The following PPME1 variants were observed in gnomAD, a reference collection of about 807,000 sequenced individuals.
The protein encoded by PPME1 is testicular secretory protein Li 39.
PPME1 carries 17 observed loss-of-function variants against 56.9 expected under a neutral mutation model. The ratio of observed to expected loss-of-function variants is 0.30; its 90% CI spans 0.20 to 0.45. The LOEUF is 0.45. Ranked by LOEUF, PPME1 falls within the 20% of genes least tolerant of loss-of-function variation. The probability of loss-of-function intolerance (pLI) is 1.00; values close to 1 mark genes in which losing one functional copy is unlikely to be tolerated. For synonymous variants in PPME1, 122 were observed against 156.2 expected (o/e 0.78, Z 1.63); for missense variants, 357 against 483.2 (o/e 0.74, Z 2.45).
At chr11:74,195,665 C>T (rs1015903186) in intron 1 of PPME1, among the ~76,000 whole-genome samples, 4 of 152,138 alleles carry the variant, frequency 2.6e-5, no homozygotes, top group African/African-American at 9.7e-5. Context: ...TTAGGTGATG[C>T]CTTACAGTTT....
chr11:74,247,320 T>TA (rs147219991), intron 11 of PPME1, among the ~76,000 whole-genome samples, 197 bp downstream of exon 11: 7 of 151,404 alleles, frequency 4.6e-5, no homozygotes, highest in South Asian at 2.1e-4. Context: ...TTAATTTGTT[T>TA]AAAAAAAAAT....
chr11:74,177,124 A>G (rs1374001339), intron 1 of PPME1, among the ~76,000 whole-genome samples: 1 of 152,024 alleles, frequency 6.6e-6, no homozygotes, highest in Admixed American at 6.6e-5. Flanking sequence ...CATTTATTAA[A>G]TTTTTTAGTC....
At chr11:74,216,958 A>G (rs1858662867) in intron 3 of PPME1, among the ~76,000 whole-genome samples, 1 of 152,194 alleles carries the variant, frequency 6.6e-6, no homozygotes, top group Admixed American at 6.5e-5. Flanking sequence ...ATAACAAGTA[A>G]TGAAATCCAA....
intron 7 of PPME1, among the ~76,000 whole-genome samples, chr11:74,231,975 T>A (rs1023773232): frequency 6.6e-6 from 1 of 152,244 alleles, no homozygotes; most frequent in African/African-American, 2.4e-5. Flanking sequence ...CAGAGATGAA[T>A]AAAACACTGT....
At chr11:74,249,278 T>G (rs1416195051) in intron 11 of PPME1, 1 of 152,196 alleles carries the variant, frequency 6.6e-6, no homozygotes, top group African/African-American at 2.4e-5. Flanking sequence ...ACCAACTGAC[T>G]TAGTTATGAA....
chr11:74,171,421 G>C lies in PPME1; in HGVS notation c.-1G>C. On this transcript the variant is annotated 5_prime_UTR_variant, in exon 1 of 14. Transcript: ENST00000328257. ...GACTACGTGCGTGCAGCCTCCCCTC[G>C]ATGTCGGCCCTCGAAAAGAGCATGC... 6.2e-7 allele frequency: 1 copy of C among 1,610,474 alleles called. No homozygotes were observed. Among genetic ancestry groups the C allele is most frequent in the Non-Finnish European group, 8.5e-7 (1 of 1,178,520 alleles).
At chr11:74,239,111 G>A in intron 8 of PPME1, 22 bp from the exon 9 acceptor site, 1 of 1,606,022 alleles carries the variant, frequency 6.2e-7, no homozygotes, top group Non-Finnish European at 8.5e-7. Context: ...GTGTGTAATA[G>A]CACTTTTTTA....
rs1168676680 is a variant in PPME1, at chr11:74,204,400, T to C, written c.243T>C (p.Leu81=). 1 of 1,613,456 alleles carries C rather than the reference T, an allele frequency of 6.2e-7. No homozygotes were observed. Among genetic ancestry groups the C allele is most frequent in the Non-Finnish European group, 8.5e-7 (1 of 1,179,626 alleles). ...GTTCAGAGGGTCCAGTCCTGCTCCT[T>C]CTGCATGGAGGAGGTCATTCTGCCC... The part of the protein sequence containing the change: ...KSGSEGPVLL[L]LHGGGHSALS... Residue 81 remains leucine, a synonymous_variant, in exon 3 of 14, where the codon CTT becomes CTC. Coordinates refer to ENST00000328257, the MANE Select transcript of PPME1 (RefSeq NM_016147.3).
chr11:74,236,118 A>AC, intron 8 of PPME1, 152 bp downstream of exon 8: 1 of 1,278,956 alleles, frequency 7.8e-7, no homozygotes, highest in Non-Finnish European at 1.0e-6. Flanking sequence ...GTTGGGACAG[A>AC]CATAGATTTT....
intron 1 of PPME1, among the ~76,000 whole-genome samples, chr11:74,187,111 G>A (rs759803803): frequency 3.3e-5 from 5 of 152,016 alleles, no homozygotes; most frequent in Admixed American, 6.6e-5. Context: ...TTTATATATC[G>A]ATCAGTATAC....
chr11:74,227,465 G>T (rs921750265), intron 5 of PPME1, among the ~76,000 whole-genome samples: 1 of 145,792 alleles, frequency 6.9e-6, no homozygotes, highest in Non-Finnish European at 1.5e-5. Context: ...TCTGAATTCA[G>T]TTACTGTGGA....
intron 1 of PPME1, among the ~76,000 whole-genome samples, chr11:74,178,076 G>A (rs1461938432): frequency 6.6e-6 from 1 of 152,114 alleles, no homozygotes; most frequent in Non-Finnish European, 1.5e-5. Flanking sequence ...ATGTTCCAGG[G>A]TTCATTCAGT....
At chr11:74,199,212 CCTGT>C (rs1334113446) in intron 1 of PPME1, among the ~76,000 whole-genome samples, 5 of 152,098 alleles carry the variant, frequency 3.3e-5, no homozygotes, top group Non-Finnish European at 2.9e-5. Context: ...TTTTTTTAAG[CCTGT>C]CTTTCTTCTC....
At chr11:74,250,906 G>T in intron 11 of PPME1, 48 bp from the exon 12 acceptor site, 2 of 1,491,898 alleles carry the variant, frequency 1.3e-6, no homozygotes, top group South Asian at 2.4e-5. Flanking sequence ...CTGCATAAGA[G>T]AGGGCTCTTT....
chr11:74,230,459 A>ATTAT lies in PPME1; in HGVS notation c.553+62_553+65dup. On this transcript the variant is annotated intron_variant, in intron 6 of 13. Coordinates refer to ENST00000328257, the MANE Select transcript of PPME1 (RefSeq NM_016147.3). The surrounding 1 kb of genome is among the most constrained non-coding windows in gnomAD (Gnocchi z 4.9). ...CACTTATAAGAGACATCCTTGGTAGATTATTACCTTGTCTTAGTTTATTGT... is the reference window on the plus strand; with the variant it reads ...CACTTATAAGAGACATCCTTGGTAGATTATTTATTACCTTGTCTTAGTTTATTGT... The ATTAT allele has an allele frequency of 1.3e-6, 2 of 1,540,294 alleles. No individual in the cohort carries two copies. Among genetic ancestry groups the ATTAT allele is most frequent in the Non-Finnish European group, 8.9e-7 (1 of 1,121,412 alleles).
chr11:74,225,811 T>A (rs934158485), intron 5 of PPME1, among the ~76,000 whole-genome samples: 6 of 152,190 alleles, frequency 3.9e-5, no homozygotes, highest in Non-Finnish European at 7.4e-5. Flanking sequence ...GACTTGACCC[T>A]ACCCCAGACC....
intron 1 of PPME1, among the ~76,000 whole-genome samples, chr11:74,178,588 T>C (rs764004504): frequency 3.3e-5 from 5 of 152,216 alleles, no homozygotes; most frequent in Non-Finnish European, 7.3e-5. Flanking sequence ...TGGAGAAGCC[T>C]AATCTTCTGA....
rs1243265434 is a variant in PPME1, at chr11:74,176,180, G to T, written c.101+4658G>T. Among the ~76,000 whole-genome samples the T allele has an allele frequency of 3.3e-5, 5 of 152,172 alleles. No individual in the cohort carries two copies. The East Asian group carries it at 9.6e-4, about 29-fold the overall frequency. On this transcript the variant is annotated intron_variant, in intron 1 of 13. Coordinates refer to ENST00000328257, the MANE Select transcript of PPME1 (RefSeq NM_016147.3). ...ATTATACATTGAGAACTGTGAAGAA[G>T]GTTCATAGTTTATGTGGAAGCTCTC...
Position 74,247,059 on chromosome 11 carries a change from T to C in PPME1, c.965-20T>C, listed in dbSNP as rs368785533. 39 of 1,602,828 alleles carry C rather than the reference T, an allele frequency of 2.4e-5. No homozygotes were observed. Among genetic ancestry groups the C allele is most frequent in the Non-Finnish European group, 2.7e-5 (32 of 1,172,174 alleles). On this transcript the variant is annotated intron_variant, in intron 10 of 13. Transcript: ENST00000328257. The stretch of plus-strand genomic sequence containing the variant: ...GTGAACAGCAAAATCTGTTTCACAA[T>C]GAATTCTCTTGTTTTCTAGGTGTTG...
Sources: gnomAD v4.1 joint callset for allele counts (sites outside exome capture counted in the v4.1 genomes callset) on GRCh38, gnomAD v4.1.1 for gene constraint, Gnocchi (gnomAD v3.1) non-coding constraint, MANE v1.5 for transcripts, NCBI Gene and HGNC (gene_info 2026-07-23, HGNC 2026-07-21) for gene names.